Variants in OTULIN observed in about 807,000 individuals in gnomAD.
OTULIN encodes the protein ubiquitin thioesterase otulin.
Under a neutral mutation model 39.6 loss-of-function variants are expected in OTULIN, and 15 were observed. The observed-to-expected ratio is 0.38, with a 90% CI of 0.25 to 0.58. The LOEUF (loss-of-function observed/expected upper bound fraction) is 0.58, where lower values mean the gene tolerates loss of function less well. OTULIN is among the 20% of genes least tolerant of loss of function. The pLI is 0.66. For missense variants in OTULIN, 319 were observed against 445.9 expected, an observed-to-expected ratio of 0.72 and a Z score of 2.56; for synonymous variants, 156 against 170.3, an observed-to-expected ratio of 0.92 and a Z score of 0.65.
the OTULIN span, chr5:14,713,704 G>A: frequency 1.2e-4 from 193 of 1,610,902 alleles, no homozygotes; most frequent in Non-Finnish European, 9.4e-5. This position sits in a 1 kb window ranked among gnomAD's most constrained non-coding sequence, Gnocchi z 4.4. Context: ...AGCCGTGCCC[G>A]CCATCCACTC....
chr5:14,664,850 C>G lies in OTULIN; in HGVS notation c.25C>G (p.Pro9Ala). Residue 9 changes from proline (P) to alanine (A), a missense_variant, in exon 1 of 7, where the codon CCC (proline) becomes GCC (alanine). By Grantham distance (27) the Pro-to-Ala change is conservative (BLOSUM62 -1). This residue lies in a region of OTULIN where 132 missense variants were observed against 143.7 expected (regional missense o/e 0.92). Transcript: ENST00000284274. MSRGTMPQ[P>A]EAWPGASCAE... The stretch of plus-strand genomic sequence containing the variant: ...CATGAGTCGGGGGACTATGCCCCAG[C>G]CCGAAGCGTGGCCAGGCGCGAGCTG... 3 of 1,214,168 alleles carry G rather than the reference C, an allele frequency of 2.5e-6. No homozygotes were observed. Among genetic ancestry groups the G allele is most frequent in the Non-Finnish European group, 3.1e-6 (3 of 975,698 alleles). The allele number at this position is 1,214,168 out of a possible 1,614,324, so 75.2% of individuals were successfully genotyped here.
intron 3 of OTULIN, 123 bp from the exon 4 acceptor site, chr5:14,681,340 TA>T: frequency 1.8e-6 from 2 of 1,129,918 alleles, no homozygotes; most frequent in Non-Finnish European, 2.5e-6. Context: ...GAAAGGGACA[TA>T]AAACTCCAAC....
chr5:14,708,926 CTT>C, the OTULIN span: 2 of 149,786 alleles, frequency 1.3e-5, no homozygotes, highest in East Asian at 3.9e-4. Context: ...GAGTTTTGCT[CTT>C]GTCACCCAGG....
chr5:14,711,533 G>A, the OTULIN span, among the ~76,000 whole-genome samples: 1 of 152,180 alleles, frequency 6.6e-6, no homozygotes, highest in African/African-American at 2.4e-5. Flanking sequence ...AGCTAGGCAG[G>A]CACTTCGGAG....
Position 14,696,842 on chromosome 5 carries a change from G to A in OTULIN, c.*3794G>A, listed in dbSNP as rs544756536. 1.3e-5 allele frequency: 2 copies of A among 152,342 alleles called. No homozygotes were observed. Among genetic ancestry groups the A allele is most frequent in the African/African-American group, 2.4e-5 (1 of 41,548 alleles). The allele number at this position is 152,342 out of a possible 1,614,324, so 9.4% of individuals were successfully genotyped here. On this transcript the variant is annotated 3_prime_UTR_variant, in exon 7 of 7. Transcript: ENST00000284274. ...AGGGGATGGGAAGACTAGGGAGCCAGTGCCACGTTGAACAGAACAGTGGTT... is the reference window on the plus strand; with the variant it reads ...AGGGGATGGGAAGACTAGGGAGCCAATGCCACGTTGAACAGAACAGTGGTT...
In OTULIN at chr5:14,690,136, C is replaced by G. The variant is rs765820054; in HGVS notation, c.692C>G (p.Ala231Gly). Residue 231 changes from alanine (A) to glycine (G), a missense_variant, in exon 6 of 7, where the codon GCT (alanine) becomes GGT (glycine). Physicochemically the swap from Ala to Gly is moderately conservative, Grantham distance 60 (BLOSUM62 0). Coordinates refer to ENST00000284274, the MANE Select transcript of OTULIN (RefSeq NM_138348.6). The surrounding 1 kb of genome is among the most constrained non-coding windows in gnomAD (Gnocchi z 4.5). ...GCGGAGGAATATAGCCTCTATGAAG[C>G]TGTAAAATTTCTAATGCTAAACAGA... ...NEAEEYSLYE[A>G]VKFLMLNRAI... The G allele has an allele frequency of 1.2e-6, 2 of 1,614,062 alleles. No homozygotes were observed. The highest frequency in any genetic ancestry group is 1.7e-6 in the Non-Finnish European group (2 of 1,180,000).
downstream of OTULIN, among the ~76,000 whole-genome samples, chr5:14,703,324 CAAAAAAAAAAAAAAAAAAAAAA>C (rs59779015): frequency 0.015 from 1,794 of 122,110 alleles, 60 homozygotes; most frequent in African/African-American, 0.053. Flanking sequence ...TTAATAGTGT[CAAAAAAAAAAAAAAAAAAAAAA>C]AAAAAAAAAA....
At position 14,690,703 on chromosome 5, in the gene OTULIN, A is replaced by T. The variant is rs1237801338; in HGVS notation, c.864+395A>T. Among the ~76,000 whole-genome samples, 2 of 152,190 alleles carry T rather than the reference A, an allele frequency of 1.3e-5. No homozygotes were observed. The highest frequency in any genetic ancestry group is 2.4e-5 in the African/African-American group (1 of 41,438). ...AATGCCTTTTATGACCTAATCTAGG[A>T]TGTCACACACTGTTAGATTGTTTTC... is the stretch of plus-strand genomic sequence containing the variant. On this transcript the variant is annotated intron_variant, in intron 6 of 6. Coordinates refer to ENST00000284274, the MANE Select transcript of OTULIN (RefSeq NM_138348.6). This position sits in a 1 kb window ranked among gnomAD's most constrained non-coding sequence, Gnocchi z 4.5.
At chr5:14,711,332 A>C in the OTULIN span, 2 of 1,604,664 alleles carry the variant, frequency 1.2e-6, no homozygotes, top group Non-Finnish European at 1.7e-6. Flanking sequence ...AAGACTCATC[A>C]GTGTGGGGCT....
chr5:14,711,215 C>T, the OTULIN span: 37 of 1,614,194 alleles, frequency 2.3e-5, no homozygotes, highest in Admixed American at 5.8e-4. Flanking sequence ...TCTCCTCTCT[C>T]ATTTCCACGA....
At chr5:14,675,091 C>G (rs1176317026) in intron 2 of OTULIN, among the ~76,000 whole-genome samples, 2 of 152,296 alleles carry the variant, frequency 1.3e-5, no homozygotes, top group African/African-American at 2.4e-5. Context: ...TCATGTTGCT[C>G]TAATAGGGGC....
chr5:14,669,660 C>T (rs1306579142), intron 1 of OTULIN, among the ~76,000 whole-genome samples: 1 of 152,072 alleles, frequency 6.6e-6, no homozygotes, highest in South Asian at 2.1e-4. Context: ...GTGGTCTCAG[C>T]TACTTGAGCC....
chr5:14,681,594 C>G lies in OTULIN; in HGVS notation c.455C>G (p.Pro152Arg). ...AVGLPPWLQDPELMLLPEKLI... is the reference protein window; with the variant it reads ...AVGLPPWLQDRELMLLPEKLI... ...GGGCTGCCGCCCTGGCTGCAGGACC[C>G]GGAGCTCATGCTGGTACGCTGCTGC... Residue 152 changes from proline (P) to arginine (R), a missense_variant, in exon 4 of 7, where the codon CCG becomes CGG. Pro to Arg is a moderately radical substitution (Grantham distance 103, BLOSUM62 -2). Coordinates refer to ENST00000284274, the MANE Select transcript of OTULIN (RefSeq NM_138348.6). The G allele has an allele frequency of 6.2e-7, 1 of 1,611,756 alleles. No individual in the cohort carries two copies. The highest frequency in any genetic ancestry group is 1.1e-5 in the South Asian group (1 of 90,656).
the OTULIN span, chr5:14,706,633 G>A: frequency 6.6e-6 from 1 of 152,222 alleles, no homozygotes; most frequent in East Asian, 1.9e-4. Context: ...TTGAACATTT[G>A]CATGATTTTA....
Position 14,698,851 on chromosome 5 carries a change from C to G in OTULIN, c.*5803C>G, listed in dbSNP as rs1257699909. On this transcript the variant is annotated 3_prime_UTR_variant, in exon 7 of 7. Transcript: ENST00000284274. ...CAGTGCTTAACCCATACTAAGTGCCCCCAACCCTGCCAGCCAAATTAGGTG... is the reference window on the plus strand; with the variant it reads ...CAGTGCTTAACCCATACTAAGTGCCGCCAACCCTGCCAGCCAAATTAGGTG... The G allele has an allele frequency of 6.6e-6, 1 of 152,312 alleles. No homozygotes were observed. The highest frequency in any genetic ancestry group is 1.9e-4 in the East Asian group (1 of 5,196). The allele number at this position is 152,312 out of a possible 1,614,324, so 9.4% of individuals were successfully genotyped here.
chr5:14,674,409 A>G (rs1736051829), intron 2 of OTULIN, among the ~76,000 whole-genome samples: 1 of 152,204 alleles, frequency 6.6e-6, no homozygotes, highest in Non-Finnish European at 1.5e-5. Flanking sequence ...TTTCTCTTTC[A>G]TTACCTGTGT....
rs1024883950 is a variant in OTULIN at position 14,666,234 on chromosome 5, A to G, written c.152+1257A>G. Among the ~76,000 whole-genome samples the G allele has an allele frequency of 4.6e-5, 7 of 152,348 alleles. No individual in the cohort carries two copies. The South Asian group carries it at 1.0e-3, about 23-fold the overall frequency. ...AACTTTGAAGCCAGACCATGTTCTC[A>G]GAAGTATATGTAGTTATTTGGCAAG... On this transcript the variant is annotated intron_variant, in intron 1 of 6. Coordinates refer to ENST00000284274, the MANE Select transcript of OTULIN (RefSeq NM_138348.6).
intron 6 of OTULIN, among the ~76,000 whole-genome samples, 175 bp from the exon 7 acceptor site, chr5:14,692,679 C>CTTTTT (rs33978265): frequency 0.07 from 9,946 of 143,070 alleles, 618 homozygotes; most frequent in African/African-American, 0.16. Flanking sequence ...TGATTATCTG[C>CTTTTT]TTTTTTTTTT....
chr5:14,712,882 G>A, the OTULIN span: 41 of 1,609,410 alleles, frequency 2.5e-5, 2 homozygotes, highest in Middle Eastern at 3.1e-3. Flanking sequence ...ACCTGCTTCC[G>A]GTAGACATAG....
Sources: gnomAD v4.1 joint callset for allele counts (sites outside exome capture counted in the v4.1 genomes callset) on GRCh38, gnomAD v4.1.1 for gene constraint, gnomAD v4.1.1 regional missense constraint, Gnocchi (gnomAD v3.1) non-coding constraint, MANE v1.5 for transcripts, NCBI Gene and HGNC (gene_info 2026-07-23, HGNC 2026-07-21) for gene names.